The following ADGB variants were observed in gnomAD, a reference collection of about 807,000 sequenced individuals.
The protein encoded by ADGB is calpain-7-like protein.
ADGB carries 172 observed loss-of-function variants against 210.5 expected under a neutral mutation model. The ratio of observed to expected loss-of-function variants is 0.82; its 90% CI spans 0.72 to 0.93. The LOEUF (loss-of-function observed/expected upper bound fraction) is 0.93, where lower values mean the gene tolerates loss of function less well. Ranked by LOEUF, ADGB falls within the 40% of genes least tolerant of loss-of-function variation. ADGB has a pLI of 0.00. For missense variants in ADGB, 2,025 were observed against 1,964.8 expected, an observed-to-expected ratio of 1.03 and a Z score of -0.58; for synonymous variants, 658 against 662.7, an observed-to-expected ratio of 0.99 and a Z score of 0.11.
At position 146,635,504 on chromosome 6, in the gene ADGB, AG is replaced by A. The variant is rs937324853; in HGVS notation, c.205del (p.Glu69LysfsTer27). 3 of 1,547,708 alleles carry A rather than the reference AG, an allele frequency of 1.9e-6. No individual in the cohort carries two copies. In the African/African-American group the frequency reaches 4.1e-5, roughly 21 times the overall value. ...AGTGGGATGCAGGCAAAGGTGCAAA[AG>A]AAAAGGACAAAACAGGAAAAAGCCC... The part of the protein sequence containing the change: ...EKWDAGKGAK[E>X]KDKTGKSPVF... On this transcript the variant is annotated frameshift_variant, in exon 2 of 36. Transcript: ENST00000397944. LOFTEE classifies it high-confidence loss of function.
rs1278377856 is a variant in ADGB at position 146,701,169 on chromosome 6, A to G, written c.1707+99A>G. On this transcript the variant is annotated intron_variant, in intron 13 of 35. Coordinates refer to ENST00000397944, the MANE Select transcript of ADGB (RefSeq NM_024694.4). Reference sequence around the variant, plus strand: ...CTATACATACAAAAGAATGTATAACATGGATCTGAACAGTATAAAGAATAG... The same window carrying G: ...CTATACATACAAAAGAATGTATAACGTGGATCTGAACAGTATAAAGAATAG... 3.8e-6 allele frequency: 5 copies of G among 1,312,024 alleles called. No individual in the cohort carries two copies. In the African/African-American group the frequency reaches 4.5e-5, roughly 12 times the overall value. The allele number at this position is 1,312,024 out of a possible 1,614,324, so 81.3% of individuals were successfully genotyped here.
intron 28 of ADGB, among the ~76,000 whole-genome samples, chr6:146,767,560 C>T (rs903197920): frequency 2.0e-5 from 3 of 152,250 alleles, no homozygotes; most frequent in East Asian, 1.9e-4. Flanking sequence ...TCTCCACCTA[C>T]GGGGTTCAAG....
intron 8 of ADGB, among the ~76,000 whole-genome samples, chr6:146,673,609 A>G (rs1474691769): frequency 2.0e-5 from 3 of 152,132 alleles, no homozygotes; most frequent in African/African-American, 7.2e-5. Flanking sequence ...TACTAAATTA[A>G]TCTAGTATTA....
At chr6:146,619,394 A>T (rs893498496) in intron 1 of ADGB, among the ~76,000 whole-genome samples, 1 of 152,018 alleles carries the variant, frequency 6.6e-6, no homozygotes, top group African/African-American at 2.4e-5. Flanking sequence ...ATAACGGTTT[A>T]TTACTGCCAT....
intron 12 of ADGB, among the ~76,000 whole-genome samples, chr6:146,693,181 T>TAA (rs1288389699): frequency 1.3e-5 from 2 of 152,164 alleles, no homozygotes; most frequent in Admixed American, 6.6e-5. Context: ...ATTCATAGGT[T>TAA]AAAGTTCTGA....
chr6:146,658,789 C>A (rs1775817726), intron 5 of ADGB, among the ~76,000 whole-genome samples: 1 of 152,180 alleles, frequency 6.6e-6, no homozygotes, highest in Non-Finnish European at 1.5e-5. Flanking sequence ...TTTAGCCCAC[C>A]TCTAGATAAT....
At chr6:146,706,965 T>C in intron 13 of ADGB, among the ~76,000 whole-genome samples, 1 of 151,938 alleles carries the variant, frequency 6.6e-6, no homozygotes, top group East Asian at 1.9e-4. Flanking sequence ...AGGTGTAACA[T>C]TATGTTTTAA....
At chr6:146,637,934 A>G (rs1775448357) in intron 2 of ADGB, among the ~76,000 whole-genome samples, 3 of 152,036 alleles carry the variant, frequency 2.0e-5, no homozygotes, top group Non-Finnish European at 1.5e-5. Context: ...AGTCACAACA[A>G]CAAAAAAATC....
chr6:146,803,456 T>G, intron 35 of ADGB: 1 of 1,606,616 alleles, frequency 6.2e-7, no homozygotes, highest in Non-Finnish European at 8.5e-7. Context: ...TGTTTTTTTC[T>G]GTAACAAAGA....
At chr6:146,752,852 T>C (rs1777343827) in intron 27 of ADGB, 138 bp downstream of exon 27, 1 of 720,250 alleles carries the variant, frequency 1.4e-6, no homozygotes, top group Non-Finnish European at 2.0e-6. Context: ...ATATTACAAG[T>C]ATAGCATTTG....
chr6:146,717,424 G>A (rs1776752186), intron 15 of ADGB, 112 bp from the exon 16 acceptor site: 1 of 620,974 alleles, frequency 1.6e-6, no homozygotes, highest in Admixed American at 3.7e-5. Flanking sequence ...ACCCAATACT[G>A]TTGTTATTTT....
chr6:146,727,275 G>A lies in ADGB; in HGVS notation c.2352+1078G>A, dbSNP rs147410072. ...TGGCAAGCAGATTGCCCCCACACAT[G>A]TCACACTCATGCATTCTTCCTTGTC... On this transcript the variant is annotated intron_variant, in intron 19 of 35. Transcript: ENST00000397944. Among the ~76,000 whole-genome samples, 28 of 151,824 alleles carry A rather than the reference G, an allele frequency of 1.8e-4. No homozygotes were observed. In the East Asian group the frequency reaches 5.3e-3, roughly 28 times the overall value.
chr6:146,709,931 A>G (rs1776635939), intron 13 of ADGB, among the ~76,000 whole-genome samples: 1 of 151,956 alleles, frequency 6.6e-6, no homozygotes, highest in Middle Eastern at 3.2e-3. Context: ...TATGTGGATT[A>G]TTTTTCAAAT....
chr6:146,759,768 C>T (rs1777460234), intron 27 of ADGB, among the ~76,000 whole-genome samples: 1 of 151,746 alleles, frequency 6.6e-6, no homozygotes, highest in Non-Finnish European at 1.5e-5. Context: ...ATTTATCCTC[C>T]TTTATCCATG....
At chr6:146,789,389 A>AT (rs766932800) in intron 33 of ADGB, among the ~76,000 whole-genome samples, 4 of 152,130 alleles carry the variant, frequency 2.6e-5, no homozygotes, top group Non-Finnish European at 5.9e-5. Context: ...ATCTTACTCT[A>AT]TTTTTCTACT....
At chr6:146,779,317 G>C (rs982883029) in intron 29 of ADGB, among the ~76,000 whole-genome samples, 1 of 152,230 alleles carries the variant, frequency 6.6e-6, no homozygotes, top group African/African-American at 2.4e-5. Flanking sequence ...GAGATCTTCA[G>C]AGACTTGTGG....
Position 146,741,283 on chromosome 6 carries a change from A to AT in ADGB, c.3177+15dup. 6.5e-7 allele frequency: 1 copy of AT among 1,550,104 alleles called. No homozygotes were observed. ...ATACCAAGAATAAGGTAGGTATAAAATTTATTCTCCACATATGATAGAATG... is the reference window on the plus strand; with the variant it reads ...ATACCAAGAATAAGGTAGGTATAAAATTTTATTCTCCACATATGATAGAATG... On this transcript the variant is annotated intron_variant, in intron 25 of 35. Coordinates refer to ENST00000397944, the MANE Select transcript of ADGB (RefSeq NM_024694.4).
chr6:146,649,684 T>A (rs915555193), intron 3 of ADGB, among the ~76,000 whole-genome samples: 3 of 151,858 alleles, frequency 2.0e-5, no homozygotes, highest in Admixed American at 2.0e-4. Flanking sequence ...AGAGACAGAA[T>A]TTTGCCATGT....
chr6:146,711,044 G>C (rs1776650107), intron 13 of ADGB, among the ~76,000 whole-genome samples: 1 of 152,020 alleles, frequency 6.6e-6, no homozygotes, highest in African/African-American at 2.4e-5. Context: ...TTCCTGTTAT[G>C]GGAGATAAAG....
Sources: gnomAD v4.1 joint callset for allele counts (sites outside exome capture counted in the v4.1 genomes callset) on GRCh38, gnomAD v4.1.1 for gene constraint, MANE v1.5 for transcripts, NCBI Gene and HGNC (gene_info 2026-07-23, HGNC 2026-07-21) for gene names.